CHL1: variants seen among roughly 807,000 people sequenced by gnomAD.
CHL1 encodes the protein cell adhesion molecule L1 like, also known as neural cell adhesion molecule L1-like protein.
In CHL1, 96 loss-of-function variants were observed where a neutral mutation model predicts 141.9. That is an observed-to-expected ratio of 0.68 (90% CI 0.57 to 0.80). CHL1 has a LOEUF of 0.80. Among genes scored for constraint, CHL1 ranks in the 30% least tolerant of loss-of-function variants. The pLI is 0.00. For synonymous variants in CHL1, 613 were observed against 502.2 expected (o/e 1.22, Z -2.95); for missense variants, 1,820 against 1,457.2 (o/e 1.25, Z -4.05).
intron 19 of CHL1, among the ~76,000 whole-genome samples, chr3:387,801 A>G (rs1320172354): frequency 1.3e-5 from 2 of 152,166 alleles, no homozygotes. Context: ...AAGTATTAAC[A>G]AGGTCTGCAG....
At chr3:267,202 T>C (rs146458368) in intron 2 of CHL1, among the ~76,000 whole-genome samples, 158 of 152,350 alleles carry the variant, frequency 1.0e-3, no homozygotes, top group African/African-American at 3.7e-3. Flanking sequence ...ATAAGCCATG[T>C]CATTTTTGTT....
chr3:340,150 G>A (rs1367883303), intron 5 of CHL1, among the ~76,000 whole-genome samples: 2 of 152,090 alleles, frequency 1.3e-5, no homozygotes. Flanking sequence ...TCCAGTGTGG[G>A]GAGGAAACAA....
intron 9 of CHL1, 143 bp downstream of exon 9, chr3:344,852 T>C: frequency 3.8e-6 from 3 of 798,886 alleles, no homozygotes; most frequent in Non-Finnish European, 1.9e-6. Flanking sequence ...ACTGCAGATA[T>C]TCTGCTCAGG....
chr3:299,494 T>G (rs893822629), intron 2 of CHL1, among the ~76,000 whole-genome samples: 1 of 152,206 alleles, frequency 6.6e-6, no homozygotes, highest in Non-Finnish European at 1.5e-5. Context: ...CCAACAGGAA[T>G]GAATGATAAT....
intron 19 of CHL1, 71 bp from the exon 20 acceptor site, chr3:389,181 G>A: frequency 8.7e-7 from 1 of 1,154,094 alleles, no homozygotes; most frequent in Non-Finnish European, 1.3e-6. Context: ...ATTCCACTTA[G>A]GGTGGTTCAC....
intron 11 of CHL1, among the ~76,000 whole-genome samples, chr3:355,764 C>T (rs930944210): frequency 5.9e-5 from 9 of 151,828 alleles, no homozygotes; most frequent in African/African-American, 2.2e-4. Flanking sequence ...GTTGGTTGTG[C>T]TTGAATGAAA....
intron 2 of CHL1, among the ~76,000 whole-genome samples, chr3:279,644 A>T (rs461791): frequency 1.3e-5 from 2 of 152,202 alleles, no homozygotes; most frequent in Non-Finnish European, 2.9e-5. Context: ...TCCTTGTTCT[A>T]TGGTTTTGGA....
chr3:379,478 T>C (rs1706756807), intron 16 of CHL1, among the ~76,000 whole-genome samples: 1 of 152,098 alleles, frequency 6.6e-6, no homozygotes, highest in Admixed American at 6.6e-5. Context: ...TAGTCGAGCT[T>C]CAGATAAACT....
chr3:382,776 C>A, intron 18 of CHL1, 105 bp downstream of exon 18: 1 of 990,110 alleles, frequency 1.0e-6, no homozygotes, highest in Non-Finnish European at 1.6e-6. Context: ...TTTTAGATTT[C>A]TCCAAATAGT....
intron 2 of CHL1, among the ~76,000 whole-genome samples, chr3:311,350 T>G (rs898100959): frequency 4.6e-5 from 7 of 151,454 alleles, no homozygotes; most frequent in African/African-American, 1.7e-4. Context: ...ATCCACAATT[T>G]ATTGACCACA....
At chr3:258,934 C>CTTT (rs538887029) in intron 2 of CHL1, among the ~76,000 whole-genome samples, 9 of 130,536 alleles carry the variant, frequency 6.9e-5, no homozygotes, top group South Asian at 5.0e-4. Context: ...ATGGCAACAT[C>CTTT]TTTTTTTTTT....
intron 13 of CHL1, 131 bp from the exon 14 acceptor site, chr3:363,086 C>T (rs1312638323): frequency 4.4e-6 from 3 of 689,474 alleles, no homozygotes; most frequent in Non-Finnish European, 4.8e-6. Flanking sequence ...ATATGAAACC[C>T]ACTGGAACAT....
intron 3 of CHL1, among the ~76,000 whole-genome samples, chr3:320,733 G>A (rs1007980273): frequency 2.6e-5 from 4 of 151,922 alleles, no homozygotes; most frequent in African/African-American, 4.8e-5. Context: ...TCTGCAAACA[G>A]AACATATGTA....
chr3:292,716 G>A (rs1435119367), intron 2 of CHL1, among the ~76,000 whole-genome samples: 1 of 152,214 alleles, frequency 6.6e-6, no homozygotes, highest in Non-Finnish European at 1.5e-5. Context: ...GCCACAGGGA[G>A]CTTTTACTCA....
chr3:391,242 C>T, intron 22 of CHL1, 83 bp downstream of exon 22: 7 of 1,113,182 alleles, frequency 6.3e-6, no homozygotes, highest in Non-Finnish European at 9.4e-6. Flanking sequence ...TGGCCAGGCA[C>T]AGTGGCTCAT....
chr3:389,329 G>A lies in CHL1; in HGVS notation c.2325G>A (p.Glu775=), dbSNP rs1708037909. ...VTWKPQGAPV[E]WEEETVTNHT... is the part of the protein sequence containing the mutation. ...GGAAGCCACAGGGAGCCCCAGTGGA[G>A]TGGGAAGAAGAAACAGTCACAAACC... Residue 775 remains glutamate, a synonymous_variant, in exon 20 of 28, where the codon GAG becomes GAA. Transcript: ENST00000256509. 2.5e-6 allele frequency: 4 copies of A among 1,614,074 alleles called. No individual in the cohort carries two copies. Among genetic ancestry groups the A allele is most frequent in the Non-Finnish European group, 3.4e-6 (4 of 1,180,032 alleles).
At chr3:368,627 T>TTTCAATTGCTTTTGC (rs1461074499) in intron 15 of CHL1, among the ~76,000 whole-genome samples, 1 of 152,254 alleles carries the variant, frequency 6.6e-6, no homozygotes, top group Non-Finnish European at 1.5e-5. Context: ...CTGGCTTTTG[T>TTTCAATTGCTTTTGC]TTCAATTGCT....
chr3:207,936 T>G (rs1195482644), intron 1 of CHL1, among the ~76,000 whole-genome samples: 1 of 152,194 alleles, frequency 6.6e-6, no homozygotes, highest in Non-Finnish European at 1.5e-5. Context: ...TCATGCACAC[T>G]TCTGAGTCAA....
rs114164783 is a variant in CHL1, at chr3:346,816, A to T, written c.848+2107A>T. Among the ~76,000 whole-genome samples, 717 of 152,326 alleles carry T rather than the reference A, an allele frequency of 4.7e-3. 5 individuals carry two copies. Among genetic ancestry groups the T allele is most frequent in the African/African-American group, 0.016 (667 of 41,578 alleles). The stretch of plus-strand genomic sequence containing the variant: ...ACTCTTTCTAAGAAGTTTTCAAGCC[A>T]TTAACCTCCTATAGTAACAAAAATA... On this transcript the variant is annotated intron_variant, in intron 9 of 27. Transcript: ENST00000256509.
Sources: gnomAD v4.1 joint callset for allele counts (sites outside exome capture counted in the v4.1 genomes callset) on GRCh38, gnomAD v4.1.1 for gene constraint, MANE v1.5 for transcripts, NCBI Gene and HGNC (gene_info 2026-07-23, HGNC 2026-07-21) for gene names.